NEK11: variants seen among roughly 807,000 people sequenced by gnomAD.
NEK11 encodes NIMA related kinase 11, also known as serine/threonine-protein kinase Nek11.
Under a neutral mutation model 80.7 loss-of-function variants are expected in NEK11, and 72 were observed. That is an observed-to-expected ratio of 0.89 (90% CI 0.74 to 1.08). The LOEUF (loss-of-function observed/expected upper bound fraction) is 1.08, where lower values mean the gene tolerates loss of function less well. NEK11 is among the 50% of genes least tolerant of loss of function. The pLI is 0.00. For missense variants in NEK11, 764 were observed against 763.6 expected (o/e 1.00, Z -0.01); for synonymous variants, 251 against 260.7 (o/e 0.96, Z 0.36).
At chr3:131,117,567 G>A (rs1205069493) in intron 5 of NEK11, among the ~76,000 whole-genome samples, 4 of 152,166 alleles carry the variant, frequency 2.6e-5, no homozygotes, top group Non-Finnish European at 4.4e-5. Context: ...ACCTTGGGCA[G>A]TATGGCCATT....
intron 17 of NEK11, among the ~76,000 whole-genome samples, chr3:131,295,293 G>T (rs1223318493): frequency 6.7e-6 from 1 of 150,206 alleles, no homozygotes; most frequent in African/African-American, 2.4e-5. Context: ...TTCAGATTTG[G>T]GATTTTTTTT....
intron 14 of NEK11, among the ~76,000 whole-genome samples, chr3:131,213,223 T>G (rs1339297674): frequency 6.6e-6 from 1 of 151,700 alleles, no homozygotes; most frequent in Non-Finnish European, 1.5e-5. Flanking sequence ...ACATCCCATC[T>G]TGCTGTGTTA....
intron 14 of NEK11, among the ~76,000 whole-genome samples, chr3:131,189,030 T>C (rs2093695911): frequency 6.6e-6 from 1 of 152,076 alleles, no homozygotes; most frequent in East Asian, 1.9e-4. Flanking sequence ...TAGAGAGATA[T>C]ATTAATACAA....
chr3:131,320,117 C>T (rs1044786641), intron 17 of NEK11, among the ~76,000 whole-genome samples: 2 of 151,984 alleles, frequency 1.3e-5, no homozygotes, highest in African/African-American at 4.8e-5. Flanking sequence ...CTTATCAAAA[C>T]TGTTTTACAA....
chr3:131,066,604 C>A (rs752800004), intron 3 of NEK11, among the ~76,000 whole-genome samples: 5 of 151,898 alleles, frequency 3.3e-5, no homozygotes, highest in African/African-American at 1.2e-4. Flanking sequence ...GAGGTCAAGG[C>A]GGGCTGATCA....
At chr3:131,331,993 CA>C (rs563741996) in intron 17 of NEK11, among the ~76,000 whole-genome samples, 156 of 152,338 alleles carry the variant, frequency 1.0e-3, no homozygotes, top group South Asian at 4.1e-3. Flanking sequence ...CACCACAGCT[CA>C]AGGAGGCCTG....
Position 131,228,616 on chromosome 3 carries a change from A to C in NEK11, c.1488A>C (p.Glu496Asp), listed in dbSNP as rs772550544. 1.2e-6 allele frequency: 2 copies of C among 1,613,778 alleles called. No homozygotes were observed. The highest frequency in any genetic ancestry group is 3.3e-5 in the Admixed American group (2 of 59,998). Residue 496 changes from glutamate to aspartate, a missense_variant, in exon 15 of 18, where the codon GAA becomes GAC. Physicochemically the swap from Glu to Asp is conservative, Grantham distance 45. Transcript: ENST00000383366. ...AAGAGAGTGATGAGGAGGAAGAAGAAATAGCGTTAGAAAGACCAGAGAAAG... is the reference window on the plus strand; with the variant it reads ...AAGAGAGTGATGAGGAGGAAGAAGACATAGCGTTAGAAAGACCAGAGAAAG... ...YCEESDEEEE[E>D]IALERPEKEI...
At chr3:131,247,797 T>C (rs1472354795) in intron 16 of NEK11, among the ~76,000 whole-genome samples, 1 of 151,612 alleles carries the variant, frequency 6.6e-6, no homozygotes, top group African/African-American at 2.4e-5. Context: ...GTAGTTTTCC[T>C]TGTAGAAATT....
At chr3:131,286,186 C>T (rs1421424700) in intron 17 of NEK11, among the ~76,000 whole-genome samples, 1 of 152,108 alleles carries the variant, frequency 6.6e-6, no homozygotes, top group Non-Finnish European at 1.5e-5. Context: ...ATTTGAAATC[C>T]TGCTTCCAAG....
chr3:131,104,729 A>G (rs11706746), intron 4 of NEK11, among the ~76,000 whole-genome samples: 66,340 of 152,010 alleles, frequency 0.44, 16,899 homozygotes, highest in Middle Eastern at 0.66. Context: ...TGGCACCAAC[A>G]TGCTCAGAGA....
intron 17 of NEK11, among the ~76,000 whole-genome samples, chr3:131,293,414 T>C (rs1019459628): frequency 2.0e-5 from 3 of 152,170 alleles, no homozygotes; most frequent in Non-Finnish European, 4.4e-5. Flanking sequence ...AACACTGAAC[T>C]AGCCTCACTT....
intron 16 of NEK11, among the ~76,000 whole-genome samples, chr3:131,264,467 G>A (rs567231351): frequency 3.9e-5 from 6 of 152,100 alleles, no homozygotes; most frequent in African/African-American, 1.4e-4. Context: ...TATTAAATAG[G>A]GAATCCTTTC....
chr3:131,281,346 C>A (rs960378347), intron 17 of NEK11, among the ~76,000 whole-genome samples: 2 of 152,154 alleles, frequency 1.3e-5, no homozygotes, highest in Non-Finnish European at 2.9e-5. Context: ...CTCTCTCCTG[C>A]TGCTTAAGAA....
chr3:131,332,326 C>A (rs2097104242), intron 17 of NEK11, among the ~76,000 whole-genome samples: 1 of 152,236 alleles, frequency 6.6e-6, no homozygotes, highest in South Asian at 2.1e-4. Flanking sequence ...CGCTGTTCTG[C>A]AGCCACCGCT....
chr3:131,052,635 A>G (rs1225994944), intron 3 of NEK11, among the ~76,000 whole-genome samples: 1 of 152,204 alleles, frequency 6.6e-6, no homozygotes, highest in Non-Finnish European at 1.5e-5. Context: ...CGAAGGTAGT[A>G]TAAGAAAACT....
At chr3:131,314,251 A>C (rs949054342) in intron 17 of NEK11, among the ~76,000 whole-genome samples, 5 of 152,140 alleles carry the variant, frequency 3.3e-5, no homozygotes, top group Non-Finnish European at 5.9e-5. Flanking sequence ...CAGGAGCTGG[A>C]GGTGGAAACT....
At chr3:131,124,728 C>G (rs960020995) in intron 5 of NEK11, among the ~76,000 whole-genome samples, 9 of 152,126 alleles carry the variant, frequency 5.9e-5, no homozygotes, top group African/African-American at 1.7e-4. Flanking sequence ...AAGAAGTCAG[C>G]AACATACTCA....
chr3:131,029,346 G>A (rs1038225539), intron 2 of NEK11, among the ~76,000 whole-genome samples: 1 of 152,196 alleles, frequency 6.6e-6, no homozygotes, highest in Admixed American at 6.5e-5. Flanking sequence ...ATTGCTCATT[G>A]TAAAACAGAT....
intron 17 of NEK11, among the ~76,000 whole-genome samples, chr3:131,334,843 C>A: frequency 6.6e-6 from 1 of 152,214 alleles, no homozygotes; most frequent in East Asian, 1.9e-4. Flanking sequence ...ACAAACACCT[C>A]TACGCAAATA....
Sources: allele counts gnomAD v4.1 joint callset (sites outside exome capture counted in the v4.1 genomes callset), GRCh38; gene constraint gnomAD v4.1.1; transcripts MANE v1.5; gene names NCBI Gene and HGNC (gene_info 2026-07-23, HGNC 2026-07-21).